Variants in SCN8A observed in about 807,000 individuals in gnomAD.
SCN8A encodes the protein sodium channel protein type 8 subunit alpha.
A neutral mutation model predicts 184.1 loss-of-function variants in SCN8A; 30 were observed. That is an observed-to-expected ratio of 0.16 (90% CI 0.12 to 0.22). The LOEUF (loss-of-function observed/expected upper bound fraction) is 0.22, where lower values mean the gene tolerates loss of function less well. Ranked by LOEUF, SCN8A falls within the 10% of genes least tolerant of loss-of-function variation. The probability of loss-of-function intolerance (pLI) is 1.00; values close to 1 mark genes in which losing one functional copy is unlikely to be tolerated. For missense variants in SCN8A, 1,057 were observed against 2,498.9 expected (o/e 0.42, Z 12.30); for synonymous variants, 852 against 907.0 (o/e 0.94, Z 1.09).
At chr12:51,724,046 C>T (rs1340063176) in intron 12 of SCN8A, among the ~76,000 whole-genome samples, 3 of 152,112 alleles carry the variant, frequency 2.0e-5, no homozygotes, top group East Asian at 1.9e-4. Context: ...GACACTTGGC[C>T]GTTGCTCTTC....
intron 1 of SCN8A, among the ~76,000 whole-genome samples, chr12:51,611,574 T>G (rs933544537): frequency 2.0e-5 from 3 of 151,276 alleles, no homozygotes; most frequent in Non-Finnish European, 3.0e-5. Context: ...CTCGGCTCAC[T>G]GCAACCTCTG....
intron 14 of SCN8A, among the ~76,000 whole-genome samples, chr12:51,758,970 A>C (rs1376754387): frequency 2.7e-5 from 4 of 148,632 alleles, no homozygotes; most frequent in Non-Finnish European, 5.9e-5. Context: ...ATACACATAC[A>C]TGTATGTATG....
chr12:51,638,781 G>T (rs1014212897), intron 1 of SCN8A, among the ~76,000 whole-genome samples: 1 of 152,196 alleles, frequency 6.6e-6, no homozygotes, highest in African/African-American at 2.4e-5. Flanking sequence ...CACCACACCC[G>T]GCCGGAAGGA....
intron 1 of SCN8A, among the ~76,000 whole-genome samples, chr12:51,628,815 AG>A (rs1244374106): frequency 6.6e-6 from 1 of 152,214 alleles, no homozygotes; most frequent in Non-Finnish European, 1.5e-5. Flanking sequence ...GTTGTATATT[AG>A]TAAGTACTGG....
intron 11 of SCN8A, among the ~76,000 whole-genome samples, chr12:51,708,631 T>G (rs1941822628): frequency 6.6e-6 from 1 of 152,214 alleles, no homozygotes; most frequent in Admixed American, 6.5e-5. Context: ...CTTATTCATT[T>G]CAGGGGATGA....
chr12:51,673,594 A>C (rs1434939347), intron 2 of SCN8A, among the ~76,000 whole-genome samples: 1 of 152,252 alleles, frequency 6.6e-6, no homozygotes, highest in Non-Finnish European at 1.5e-5. Flanking sequence ...GTTAAAGGTT[A>C]GGTGATTTTA....
intron 1 of SCN8A, among the ~76,000 whole-genome samples, chr12:51,650,558 G>A (rs1056162754): frequency 2.1e-5 from 3 of 141,372 alleles, no homozygotes; most frequent in African/African-American, 8.0e-5. Context: ...CGCCCAAGCT[G>A]CAGTGCAGTG....
intron 1 of SCN8A, among the ~76,000 whole-genome samples, chr12:51,618,498 CACACACACACAG>C (rs1387110135): frequency 4.7e-5 from 4 of 84,784 alleles, no homozygotes; most frequent in Admixed American, 1.2e-4. Flanking sequence ...CACACACACA[CACACACACACAG>C]AAAGAAAAAA....
chr12:51,731,277 G>A (rs1247944128), intron 12 of SCN8A, among the ~76,000 whole-genome samples: 4 of 150,522 alleles, frequency 2.7e-5, no homozygotes, highest in Admixed American at 6.6e-5. Flanking sequence ...TCACTCTGTC[G>A]CCCAGGCTGG....
At position 51,614,399 on chromosome 12, in the gene SCN8A, C is replaced by G. The variant is rs984886198; in HGVS notation, c.-55+23040C>G. On this transcript the variant is annotated intron_variant, in intron 1 of 26. Coordinates refer to ENST00000627620, the MANE Select transcript of SCN8A (RefSeq NM_001330260.2). ...CTTTATCTGATATTAATATAATCAT[C>G]CTACCTTTCTGTCGGTTCATATTTT... Among the ~76,000 whole-genome samples the G allele has an allele frequency of 2.0e-5, 3 of 152,064 alleles. No individual in the cohort carries two copies. In the East Asian group the frequency reaches 5.8e-4, roughly 29 times the overall value.
At chr12:51,688,658 A>G in intron 5 of SCN8A, 1 of 783,042 alleles carries the variant, frequency 1.3e-6, no homozygotes. Context: ...CAAGGAAAAA[A>G]AATGAAACCA....
intron 11 of SCN8A, among the ~76,000 whole-genome samples, chr12:51,714,756 C>G (rs1941938678): frequency 6.6e-6 from 1 of 152,158 alleles, no homozygotes; most frequent in Admixed American, 6.5e-5. Flanking sequence ...CCCTGAGATC[C>G]CTAGAGATAA....
intron 2 of SCN8A, among the ~76,000 whole-genome samples, chr12:51,677,711 G>T (rs1031811052): frequency 1.3e-5 from 2 of 152,036 alleles, no homozygotes; most frequent in African/African-American, 4.8e-5. Context: ...TTTTCAGAAG[G>T]CTCATTTTAT....
At chr12:51,774,480 T>A in intron 20 of SCN8A, 118 bp downstream of exon 20, 2 of 916,668 alleles carry the variant, frequency 2.2e-6, no homozygotes, top group Non-Finnish European at 3.3e-6. Context: ...GATGTAGATG[T>A]AGGTGTGGGT....
intron 1 of SCN8A, among the ~76,000 whole-genome samples, chr12:51,613,976 A>G (rs974371998): frequency 6.6e-6 from 1 of 152,150 alleles, no homozygotes; most frequent in African/African-American, 2.4e-5. Flanking sequence ...GATATGATCT[A>G]GCTTGGCGAC....
chr12:51,753,741 T>C (rs552551466), intron 14 of SCN8A, among the ~76,000 whole-genome samples: 3 of 152,316 alleles, frequency 2.0e-5, no homozygotes, highest in South Asian at 4.1e-4. Flanking sequence ...GTTGGGAAGA[T>C]AAAATGAGAA....
intron 14 of SCN8A, among the ~76,000 whole-genome samples, chr12:51,754,435 A>G (rs978457504): frequency 3.3e-5 from 5 of 152,044 alleles, no homozygotes; most frequent in African/African-American, 1.2e-4. Flanking sequence ...ACCATAGTAT[A>G]ACTGTCAAAA....
intron 1 of SCN8A, among the ~76,000 whole-genome samples, chr12:51,608,181 C>T (rs778231853): frequency 1.5e-4 from 23 of 152,002 alleles, no homozygotes; most frequent in South Asian, 6.3e-4. Flanking sequence ...CCACCGTGCC[C>T]GGCTAATTTT....
At chr12:51,799,503 C>A (rs1263004869) in intron 26 of SCN8A, among the ~76,000 whole-genome samples, 1 of 152,178 alleles carries the variant, frequency 6.6e-6, no homozygotes, top group Non-Finnish European at 1.5e-5. Flanking sequence ...CTCCAAAATC[C>A]TACGGACCTC....
Sources: allele counts gnomAD v4.1 joint callset (sites outside exome capture counted in the v4.1 genomes callset), GRCh38; gene constraint gnomAD v4.1.1; transcripts MANE v1.5; gene names NCBI Gene and HGNC (gene_info 2026-07-23, HGNC 2026-07-21).